The following PTPN3 variants were observed in gnomAD, a reference collection of about 807,000 sequenced individuals.
The protein encoded by PTPN3 is tyrosine-protein phosphatase non-receptor type 3.
PTPN3 carries 96 observed loss-of-function variants against 132.7 expected under a neutral mutation model. The ratio of observed to expected loss-of-function variants is 0.72; its 90% confidence interval spans 0.61 to 0.86. The LOEUF (loss-of-function observed/expected upper bound fraction) is 0.86. Among genes scored for constraint, PTPN3 ranks in the 40% least tolerant of loss-of-function variants. PTPN3 has a pLI of 0.00. For missense variants in PTPN3, 1,125 were observed against 1,159.6 expected, an observed-to-expected ratio of 0.97 and a Z score of 0.43; for synonymous variants, 398 against 429.0, an observed-to-expected ratio of 0.93 and a Z score of 0.89.
intron 14 of PTPN3, among the ~76,000 whole-genome samples, chr9:109,415,143 G>T (rs1479049636): frequency 6.6e-6 from 1 of 151,038 alleles, no homozygotes; most frequent in Non-Finnish European, 1.5e-5. Flanking sequence ...GTCACTGAAT[G>T]TCTATTAAAT....
chr9:109,534,487 G>C, the PTPN3 span, among the ~76,000 whole-genome samples: 3 of 151,898 alleles, frequency 2.0e-5, no homozygotes, highest in Non-Finnish European at 4.4e-5. Flanking sequence ...CTCTTAAAAA[G>C]TTAGTGTGGC....
At chr9:109,438,062 C>A in intron 8 of PTPN3, 52 bp downstream of exon 8, 3 of 1,559,838 alleles carry the variant, frequency 1.9e-6, no homozygotes, top group Non-Finnish European at 2.6e-6. Flanking sequence ...GATATGATGT[C>A]TGAAAATACC....
Position 109,381,702 on chromosome 9 carries a change from C to G in PTPN3, c.2614G>C (p.Asp872His). Residue 872 changes from aspartate to histidine, a missense_variant, in exon 25 of 26, where the codon GAT (aspartate) becomes CAT (histidine). Physicochemically the swap from Asp to His is moderately conservative, Grantham distance 81 (BLOSUM62 -1). Coordinates refer to ENST00000374541, the MANE Select transcript of PTPN3 (RefSeq NM_002829.4). The stretch of plus-strand genomic sequence containing the variant: ...TGGTCTCGCATTTTTCGGACAATAT[C>G]CAGTGGGTAAATGGGCAGGTTCCTC... ...TERNLPIYPL[D>H]IVRKMRDQRA... 2 of 1,614,186 alleles carry G rather than the reference C, an allele frequency of 1.2e-6. No individual in the cohort carries two copies. Among genetic ancestry groups the G allele is most frequent in the Non-Finnish European group, 1.7e-6 (2 of 1,179,994 alleles).
chr9:109,422,945 C>A, intron 12 of PTPN3, 93 bp from the exon 13 acceptor site: 1 of 1,471,290 alleles, frequency 6.8e-7, no homozygotes, highest in South Asian at 1.3e-5. Flanking sequence ...TGCTTCTTGT[C>A]TGAAGGACGG....
the PTPN3 span, among the ~76,000 whole-genome samples, chr9:109,520,389 A>G: frequency 6.6e-6 from 1 of 152,306 alleles, no homozygotes; most frequent in East Asian, 1.9e-4. Context: ...ACCTCCCCAA[A>G]TAAAAATAAA....
chr9:109,522,240 G>A, the PTPN3 span, among the ~76,000 whole-genome samples: 23 of 152,310 alleles, frequency 1.5e-4, 1 homozygote, highest in Admixed American at 1.4e-3. Flanking sequence ...AAAGCCATCT[G>A]GTCAAGTGGA....
intron 5 of PTPN3, chr9:109,450,526 T>C (rs1845179406): frequency 3.0e-6 from 3 of 985,234 alleles, no homozygotes; most frequent in Non-Finnish European, 3.6e-6. Context: ...TGTCATATAT[T>C]GAGCAAAGTT....
At chr9:109,422,908 T>C in intron 12 of PTPN3, 56 bp from the exon 13 acceptor site, 1 of 1,574,354 alleles carries the variant, frequency 6.4e-7, no homozygotes, top group South Asian at 1.1e-5. Context: ...GGAAAGAAAT[T>C]ACTGCATGTG....
chr9:109,391,138 G>A lies in PTPN3; in HGVS notation c.2106C>T (p.Asn702=), dbSNP rs772875755. ...NEDYINASYV[N]MEIPAANLVN... ...AGCATCATCCAGATTCCTAACTTACGTTCACGTAACTTGCATTAATATAAT... is the reference window on the plus strand; with the variant it reads ...AGCATCATCCAGATTCCTAACTTACATTCACGTAACTTGCATTAATATAAT... Residue 702 remains asparagine (N), a splice_region_variant and synonymous_variant, in exon 21 of 26, where the codon AAC becomes AAT. Coordinates refer to ENST00000374541, the MANE Select transcript of PTPN3 (RefSeq NM_002829.4). The A allele has an allele frequency of 1.4e-5, 22 of 1,612,454 alleles. No individual in the cohort carries two copies. The highest frequency in any genetic ancestry group is 8.0e-5 in the African/African-American group (6 of 74,976).
intron 12 of PTPN3, among the ~76,000 whole-genome samples, chr9:109,425,816 C>G (rs1028067761): frequency 2.6e-5 from 4 of 151,740 alleles, no homozygotes; most frequent in African/African-American, 9.7e-5. Context: ...AATTCGAGAC[C>G]AGGCTGGCCA....
chr9:109,515,042 A>G, the PTPN3 span, among the ~76,000 whole-genome samples: 1 of 150,904 alleles, frequency 6.6e-6, no homozygotes, highest in Admixed American at 6.6e-5. Flanking sequence ...TTTTTTTTTG[A>G]CAGAGTCTCA....
chr9:109,413,176 G>A (rs1003103337), intron 14 of PTPN3, among the ~76,000 whole-genome samples: 1 of 150,984 alleles, frequency 6.6e-6, no homozygotes, highest in South Asian at 2.1e-4. Context: ...GGATGGTCTC[G>A]ATCTCTTGAC....
chr9:109,396,895 T>A (rs1244828835), intron 19 of PTPN3, among the ~76,000 whole-genome samples: 3 of 152,146 alleles, frequency 2.0e-5, no homozygotes, highest in African/African-American at 7.2e-5. Context: ...CAACCAAAGG[T>A]GTGCAGCCTA....
chr9:109,442,971 T>C (rs1301456003), intron 7 of PTPN3, among the ~76,000 whole-genome samples: 1 of 152,164 alleles, frequency 6.6e-6, no homozygotes, highest in African/African-American at 2.4e-5. Context: ...TGAACCAAGG[T>C]AGCCATATTG....
chr9:109,465,056 A>G (rs900848496), intron 1 of PTPN3, among the ~76,000 whole-genome samples: 1 of 152,338 alleles, frequency 6.6e-6, no homozygotes, highest in East Asian at 1.9e-4. Context: ...GTACTTTTCC[A>G]TATGTATGTT....
the PTPN3 span, among the ~76,000 whole-genome samples, chr9:109,508,501 C>T: frequency 1.3e-5 from 2 of 152,114 alleles, no homozygotes; most frequent in African/African-American, 4.8e-5. Flanking sequence ...TTTTGACTTG[C>T]ATTGAGTTAT....
In PTPN3 at chr9:109,427,048, A is replaced by G; in HGVS notation, c.903T>C (p.Cys301=). 6.2e-7 allele frequency: 1 copy of G among 1,613,984 alleles called. No homozygotes were observed. The highest frequency in any genetic ancestry group is 1.1e-5 in the South Asian group (1 of 91,080). Residue 301 remains cysteine (C), a synonymous_variant, in exon 12 of 26, where the codon TGT becomes TGC. Coordinates refer to ENST00000374541, the MANE Select transcript of PTPN3 (RefSeq NM_002829.4). ...YRSCKNLWKS[C]VEHHTFFQAK... Reference sequence around the variant, plus strand: ...CCTGAAAGAACGTATGGTGCTCAACACAGGATTTCCACAAGTTTTTGCAAG... The same window carrying G: ...CCTGAAAGAACGTATGGTGCTCAACGCAGGATTTCCACAAGTTTTTGCAAG...
chr9:109,418,804 G>C (rs989246253), intron 14 of PTPN3, among the ~76,000 whole-genome samples: 2 of 152,182 alleles, frequency 1.3e-5, no homozygotes, highest in African/African-American at 4.8e-5. Context: ...GGTGGCTGCT[G>C]TACTGGACAG....
At chr9:109,401,824 C>G (rs1412047276) in intron 19 of PTPN3, among the ~76,000 whole-genome samples, 3 of 152,150 alleles carry the variant, frequency 2.0e-5, no homozygotes, top group African/African-American at 7.2e-5. Flanking sequence ...TATGCTCCCC[C>G]CACACACTTA....
Sources: allele counts gnomAD v4.1 joint callset (sites outside exome capture counted in the v4.1 genomes callset), GRCh38; gene constraint gnomAD v4.1.1; transcripts MANE v1.5; gene names NCBI Gene and HGNC (gene_info 2026-07-23, HGNC 2026-07-21).